Variants in ELL observed in about 807,000 individuals in gnomAD.
The protein encoded by ELL is elongation factor for RNA polymerase II.
ELL carries 18 observed loss-of-function variants against 64.0 expected under a neutral mutation model. That is an observed-to-expected ratio of 0.28 (90% CI 0.19 to 0.42). ELL has a LOEUF of 0.42. Among genes scored for constraint, ELL ranks in the 10% least tolerant of loss-of-function variants. The pLI, the probability that ELL is intolerant of heterozygous loss-of-function variation, is 1.00. For synonymous variants in ELL, 399 were observed against 376.2 expected (o/e 1.06, Z -0.70); for missense variants, 797 against 870.4 (o/e 0.92, Z 1.06).
At chr19:18,519,231 C>CAA (rs781417623) in intron 1 of ELL, among the ~76,000 whole-genome samples, 2 of 106,638 alleles carry the variant, frequency 1.9e-5, no homozygotes, top group Non-Finnish European at 1.9e-5. Flanking sequence ...GACTCCGTCT[C>CAA]AAAAAAAAAA....
At position 18,450,650 on chromosome 19, in the gene ELL, G is replaced by C. The variant is rs370308532; in HGVS notation, c.1292C>G (p.Thr431Arg). Residue 431 changes from threonine (T) to arginine (R), a missense_variant, in exon 8 of 12, where the codon ACG (threonine) becomes AGG (arginine). Transcript: ENST00000262809. Reference sequence around the variant, plus strand: ...TGGCCTGCTGGGCTGGGCACAGTCCGTCAGCAGGGGCAGGCCGAGGCGCAC... The same window carrying C: ...TGGCCTGCTGGGCTGGGCACAGTCCCTCAGCAGGGGCAGGCCGAGGCGCAC... ...PTVRLGLPLL[T>R]DCAQPSRPHG... is the part of the protein sequence containing the mutation. 2 of 1,600,624 alleles carry C rather than the reference G, an allele frequency of 1.2e-6. No homozygotes were observed. The highest frequency in any genetic ancestry group is 1.3e-5 in the African/African-American group (1 of 74,902).
rs575915151 is a variant in ELL at position 18,503,337 on chromosome 19, T to C, written c.135+18584A>G. On this transcript the variant is annotated intron_variant, in intron 1 of 11. Transcript: ENST00000262809. ...CTGTCTTATTTCTGGAAAAGGCAAC[T>C]GGCAAAGCTGGAGAACAGCAAGGGA... Among the ~76,000 whole-genome samples the C allele has an allele frequency of 2.6e-5, 4 of 152,260 alleles. No homozygotes were observed. In the East Asian group the frequency reaches 7.7e-4, roughly 29 times the overall value.
intron 1 of ELL, among the ~76,000 whole-genome samples, chr19:18,515,185 G>A (rs982689489): frequency 1.3e-5 from 2 of 152,216 alleles, no homozygotes; most frequent in African/African-American, 2.4e-5. Flanking sequence ...ACTCTTGCCT[G>A]CCTCCTGCAG....
At chr19:18,490,211 C>T (rs141798942) in intron 1 of ELL, among the ~76,000 whole-genome samples, 2 of 151,562 alleles carry the variant, frequency 1.3e-5, no homozygotes, top group African/African-American at 4.8e-5. Context: ...CCCTCCCCCC[C>T]ACCCACGCCT....
chr19:18,506,444 C>T (rs897661739), intron 1 of ELL, among the ~76,000 whole-genome samples: 2 of 152,236 alleles, frequency 1.3e-5, no homozygotes, highest in Admixed American at 6.5e-5. Flanking sequence ...GACTTCTGCT[C>T]GGCTGGGTGC....
chr19:18,502,011 C>A (rs1032077001), intron 1 of ELL, among the ~76,000 whole-genome samples: 2 of 152,140 alleles, frequency 1.3e-5, no homozygotes, highest in Admixed American at 6.5e-5. Context: ...AGGAACCAGG[C>A]GTCACCCCCA....
At chr19:18,509,593 GCACATACACACACACACACACA>G (rs1309424328) in intron 1 of ELL, among the ~76,000 whole-genome samples, 4,502 of 83,274 alleles carry the variant, frequency 0.054, 412 homozygotes, top group African/African-American at 0.13. Flanking sequence ...GCGCGCGCGC[GCACATACACACACACACACACA>G]CACACACACA....
intron 1 of ELL, among the ~76,000 whole-genome samples, chr19:18,479,066 C>T (rs1302232158): frequency 7.9e-5 from 12 of 152,228 alleles, no homozygotes; most frequent in East Asian, 1.9e-4. Flanking sequence ...AAGTGGCTTA[C>T]GAAATCCACC....
chr19:18,459,686 A>AT (rs1485562254), intron 5 of ELL, among the ~76,000 whole-genome samples: 16 of 149,828 alleles, frequency 1.1e-4, no homozygotes, highest in Non-Finnish European at 1.8e-4. Flanking sequence ...CGCCCGGCTA[A>AT]TTTTTTTGTG....
At chr19:18,467,249 C>T (rs1974958634) in intron 2 of ELL, among the ~76,000 whole-genome samples, 1 of 152,120 alleles carries the variant, frequency 6.6e-6, no homozygotes, top group South Asian at 2.1e-4. Context: ...CCTGCAGACC[C>T]TTCTCCAGAG....
chr19:18,475,406 T>C (rs949169202), intron 1 of ELL, among the ~76,000 whole-genome samples: 1 of 151,468 alleles, frequency 6.6e-6, no homozygotes, highest in Non-Finnish European at 1.5e-5. Flanking sequence ...TGGGCGGGAG[T>C]GGACAAGGCT....
intron 1 of ELL, among the ~76,000 whole-genome samples, chr19:18,495,419 T>C (rs1975627980): frequency 1.3e-5 from 2 of 152,118 alleles, no homozygotes; most frequent in Non-Finnish European, 1.5e-5. Context: ...GGCCCCACCA[T>C]TCCCACCCAC....
intron 6 of ELL, among the ~76,000 whole-genome samples, chr19:18,456,068 G>T (rs556298877): frequency 6.6e-6 from 1 of 151,356 alleles, no homozygotes; most frequent in East Asian, 1.9e-4. Context: ...TTGCACTCCA[G>T]CCTGGGCAAC....
intron 9 of ELL, 65 bp from the exon 10 acceptor site, chr19:18,446,545 C>T (rs1974421390): frequency 1.3e-6 from 2 of 1,571,328 alleles, no homozygotes; most frequent in Non-Finnish European, 8.6e-7. Flanking sequence ...CAGGAAGTGG[C>T]CATCCTGGCT....
At chr19:18,454,510 G>C (rs117945603) in intron 6 of ELL, among the ~76,000 whole-genome samples, 1 of 150,750 alleles carries the variant, frequency 6.6e-6, no homozygotes, top group Admixed American at 6.6e-5. Flanking sequence ...AATAAATAAA[G>C]AAATAAATAA....
chr19:18,504,678 T>C (rs530255251), intron 1 of ELL, among the ~76,000 whole-genome samples: 32 of 152,246 alleles, frequency 2.1e-4, no homozygotes, highest in African/African-American at 7.2e-4. Flanking sequence ...CGACTTTAAA[T>C]AAACAGAACT....
chr19:18,488,345 C>T (rs1373064897), intron 1 of ELL, among the ~76,000 whole-genome samples: 1 of 152,232 alleles, frequency 6.6e-6, no homozygotes, highest in Non-Finnish European at 1.5e-5. Context: ...CAGAGCACAG[C>T]TCCCACAGAG....
chr19:18,502,233 G>T (rs1158419331), intron 1 of ELL, among the ~76,000 whole-genome samples: 1 of 152,178 alleles, frequency 6.6e-6, no homozygotes, highest in African/African-American at 2.4e-5. Flanking sequence ...AGAGGTGAAT[G>T]AAGGATTCCA....
At chr19:18,456,758 G>A (rs1974686075) in intron 6 of ELL, among the ~76,000 whole-genome samples, 1 of 152,070 alleles carries the variant, frequency 6.6e-6, no homozygotes, top group Non-Finnish European at 1.5e-5. Flanking sequence ...AGCCACATGT[G>A]GTGCCAGCTC....
Sources: gnomAD v4.1 joint callset for allele counts (sites outside exome capture counted in the v4.1 genomes callset) on GRCh38, gnomAD v4.1.1 for gene constraint, MANE v1.5 for transcripts, NCBI Gene and HGNC (gene_info 2026-07-23, HGNC 2026-07-21) for gene names.